The following PLPP4 variants were observed in gnomAD, a reference collection of about 807,000 sequenced individuals.
PLPP4 encodes diacylglycerol pyrophosphate like 2.
A neutral mutation model predicts 32.2 loss-of-function variants in PLPP4; 20 were observed. The ratio of observed to expected loss-of-function variants is 0.62; its 90% confidence interval spans 0.44 to 0.90. The LOEUF (loss-of-function observed/expected upper bound fraction) is 0.90, where lower values mean the gene tolerates loss of function less well. Ranked by LOEUF, PLPP4 falls within the 40% of genes least tolerant of loss-of-function variation. PLPP4 has a pLI of 0.00. For missense variants in PLPP4, 257 were observed against 353.1 expected (o/e 0.73, Z 2.18); for synonymous variants, 127 against 133.0 (o/e 0.95, Z 0.31).
At chr10:120,513,670 C>T (rs1845817418) in intron 2 of PLPP4, among the ~76,000 whole-genome samples, 2 of 152,180 alleles carry the variant, frequency 1.3e-5, no homozygotes, top group Admixed American at 1.3e-4. Flanking sequence ...CTGCTTTAAA[C>T]ATGGCTCTCA....
chr10:120,526,137 A>C (rs1846378480), intron 5 of PLPP4, among the ~76,000 whole-genome samples: 1 of 152,092 alleles, frequency 6.6e-6, no homozygotes, highest in African/African-American at 2.4e-5. Flanking sequence ...AAGCTTCTAT[A>C]GAATTTTTAT....
chr10:120,493,797 G>A (rs1198505562), intron 1 of PLPP4, among the ~76,000 whole-genome samples: 4 of 152,166 alleles, frequency 2.6e-5, no homozygotes, highest in African/African-American at 9.7e-5. Flanking sequence ...TCAACACTGG[G>A]CAGATGAGAT....
intron 5 of PLPP4, among the ~76,000 whole-genome samples, chr10:120,529,333 A>G (rs1156573366): frequency 6.6e-6 from 1 of 152,212 alleles, no homozygotes; most frequent in East Asian, 1.9e-4. Flanking sequence ...AATAGTGTCC[A>G]GGCTGAGGAA....
chr10:120,529,704 A>G (rs1393037900), intron 5 of PLPP4, among the ~76,000 whole-genome samples: 1 of 152,206 alleles, frequency 6.6e-6, no homozygotes, highest in Non-Finnish European at 1.5e-5. Context: ...TTTGGTATGC[A>G]GCAGAGCAGC....
At chr10:120,511,035 G>C (rs1376005909) in intron 2 of PLPP4, among the ~76,000 whole-genome samples, 2 of 152,148 alleles carry the variant, frequency 1.3e-5, no homozygotes, top group African/African-American at 4.8e-5. Context: ...GGAGCCTTGG[G>C]CCCTCCTAGG....
At chr10:120,504,336 G>A (rs1325587419) in intron 2 of PLPP4, among the ~76,000 whole-genome samples, 2 of 152,220 alleles carry the variant, frequency 1.3e-5, no homozygotes, top group African/African-American at 4.8e-5. Context: ...AGACCTCACA[G>A]TCTAAACTAA....
At chr10:120,508,782 A>G (rs1424718270) in intron 2 of PLPP4, among the ~76,000 whole-genome samples, 1 of 152,114 alleles carries the variant, frequency 6.6e-6, no homozygotes, top group East Asian at 1.9e-4. Context: ...TCCTCCTGCT[A>G]CTCAAAGGTG....
At chr10:120,581,816 C>G (rs1169728851) in intron 6 of PLPP4, among the ~76,000 whole-genome samples, 1 of 152,202 alleles carries the variant, frequency 6.6e-6, no homozygotes, top group Non-Finnish European at 1.5e-5. Flanking sequence ...TCCCTCTCCC[C>G]TTGCGCATTT....
At chr10:120,583,795 G>A (rs1210873614) in intron 6 of PLPP4, among the ~76,000 whole-genome samples, 1 of 152,202 alleles carries the variant, frequency 6.6e-6, no homozygotes, top group Non-Finnish European at 1.5e-5. Flanking sequence ...AGTCGGCTGA[G>A]CTCTGGGAAA....
chr10:120,570,820 T>C (rs1279673365), intron 5 of PLPP4, among the ~76,000 whole-genome samples: 1 of 152,168 alleles, frequency 6.6e-6, no homozygotes, highest in African/African-American at 2.4e-5. Context: ...ACCGCCTATG[T>C]CAGCTCCTTT....
chr10:120,556,022 GC>G (rs1848147467), intron 5 of PLPP4, among the ~76,000 whole-genome samples: 1 of 152,186 alleles, frequency 6.6e-6, no homozygotes, highest in Admixed American at 6.5e-5. Flanking sequence ...TTCTGTCTTA[GC>G]TAAAGTGGTA....
chr10:120,501,000 A>G (rs981433751), intron 1 of PLPP4, among the ~76,000 whole-genome samples: 1 of 152,166 alleles, frequency 6.6e-6, no homozygotes, highest in Non-Finnish European at 1.5e-5. Context: ...AGTTGAGGTA[A>G]GAGGGGAGAG....
chr10:120,487,348 G>T (rs990465991), intron 1 of PLPP4, among the ~76,000 whole-genome samples: 1 of 152,208 alleles, frequency 6.6e-6, no homozygotes, highest in Non-Finnish European at 1.5e-5. Context: ...CGCTGATGTG[G>T]TGTGTAGTGA....
intron 5 of PLPP4, among the ~76,000 whole-genome samples, chr10:120,537,985 A>C (rs941698116): frequency 3.7e-4 from 35 of 95,142 alleles, no homozygotes; most frequent in East Asian, 1.3e-3. Flanking sequence ...CAGAACCACC[A>C]GGCCCTTTCT....
At chr10:120,539,638 A>AT (rs11386206) in intron 5 of PLPP4, among the ~76,000 whole-genome samples, 149,292 of 152,188 alleles carry the variant, frequency 0.98, 73,293 homozygotes, top group East Asian at 1. Context: ...CAAGCCTTTT[A>AT]TTATTTATTT....
intron 1 of PLPP4, among the ~76,000 whole-genome samples, chr10:120,488,735 G>A (rs1401878676): frequency 6.6e-6 from 1 of 152,190 alleles, no homozygotes; most frequent in Non-Finnish European, 1.5e-5. Flanking sequence ...GAGTCAAGCT[G>A]TTGTCTTCAG....
At chr10:120,582,797 C>CCCTCCCTCCCTT (rs1345214389) in intron 6 of PLPP4, among the ~76,000 whole-genome samples, 1 of 127,292 alleles carries the variant, frequency 7.9e-6, no homozygotes, top group Non-Finnish European at 1.7e-5. Flanking sequence ...CTCCCTCCCT[C>CCCTCCCTCCCTT]CCTCCCTTCC....
At chr10:120,530,580 T>C (rs930545887) in intron 5 of PLPP4, among the ~76,000 whole-genome samples, 51 of 152,266 alleles carry the variant, frequency 3.3e-4, no homozygotes, top group African/African-American at 1.1e-3. Flanking sequence ...TAGGTTGTTC[T>C]AGTTTGTTCA....
chr10:120,567,351 C>T (rs2134029641), intron 5 of PLPP4, among the ~76,000 whole-genome samples: 1 of 152,226 alleles, frequency 6.6e-6, no homozygotes, highest in Admixed American at 6.5e-5. Context: ...CTGATAATAA[C>T]ACCTTTTATT....
Sources: gnomAD v4.1 joint callset for allele counts (sites outside exome capture counted in the v4.1 genomes callset) on GRCh38, gnomAD v4.1.1 for gene constraint, MANE v1.5 for transcripts, NCBI Gene and HGNC (gene_info 2026-07-23, HGNC 2026-07-21) for gene names.